LPCAT2: variants seen among roughly 807,000 people sequenced by gnomAD.
The protein encoded by LPCAT2 is lysophosphatidylcholine acyltransferase 2.
A neutral mutation model predicts 64.7 loss-of-function variants in LPCAT2; 58 were observed. The observed-to-expected ratio is 0.90, with a 90% CI of 0.73 to 1.12. The LOEUF (loss-of-function observed/expected upper bound fraction) is 1.12, where lower values mean the gene tolerates loss of function less well. LPCAT2 is among the 50% of genes most tolerant of loss of function. The pLI, the probability that LPCAT2 is intolerant of heterozygous loss-of-function variation, is 0.00. For synonymous variants in LPCAT2, 252 were observed against 245.3 expected, an observed-to-expected ratio of 1.03 and a Z score of -0.26; for missense variants, 579 against 669.8, an observed-to-expected ratio of 0.86 and a Z score of 1.50.
In LPCAT2 at chr16:55,566,552, G is replaced by A. The variant is rs1172125541; in HGVS notation, c.1216-8079G>A. On this transcript the variant is annotated intron_variant, in intron 11 of 13. Coordinates refer to ENST00000262134, the MANE Select transcript of LPCAT2 (RefSeq NM_017839.5). ...GAAGAGTGAAAACAATTTTATTGAG[G>A]CCTTGTAAAATATGGCAGGTGCTAG... 4 of 542,338 alleles carry A rather than the reference G, an allele frequency of 7.4e-6. No individual in the cohort carries two copies. The Admixed American group carries it at 1.0e-4, about 14-fold the overall frequency. The allele number at this position is 542,338 out of a possible 1,614,324, so 33.6% of individuals were successfully genotyped here.
intron 9 of LPCAT2, among the ~76,000 whole-genome samples, chr16:55,546,892 T>C (rs1963459957): frequency 6.6e-6 from 1 of 152,170 alleles, no homozygotes; most frequent in South Asian, 2.1e-4. Flanking sequence ...CTCACACCTG[T>C]AATCCCAGCA....
rs746304640 is a variant in LPCAT2, at chr16:55,529,896, C to T, written c.591C>T (p.Asn197=). ...GTGTAGATCCGGATTCCCGAAAAAA[C>T]ACAATAAATGAAATAATAAAGCGAA... ...VSRVDPDSRK[N]TINEIIKRTT... The change falls in exon 4 of 14, where the codon AAC becomes AAT. Residue 197 remains asparagine (N), a synonymous_variant. Coordinates refer to ENST00000262134, the MANE Select transcript of LPCAT2 (RefSeq NM_017839.5). 3.3e-6 allele frequency: 5 copies of T among 1,536,896 alleles called. No homozygotes were observed. In the Admixed American group the frequency reaches 9.2e-5, roughly 28 times the overall value.
At position 55,529,964 on chromosome 16, in the gene LPCAT2, G is replaced by T. The variant is rs931009223; in HGVS notation, c.642+17G>T. On this transcript the variant is annotated intron_variant, in intron 4 of 13. Coordinates refer to ENST00000262134, the MANE Select transcript of LPCAT2 (RefSeq NM_017839.5). ...TGGCCCCAGGTAAAACATGGTAGAT[G>T]TTAATTTAAATATAGTGGGAGTTTA... The T allele has an allele frequency of 1.3e-6, 2 of 1,563,828 alleles. No individual in the cohort carries two copies. Among genetic ancestry groups the T allele is most frequent in the Non-Finnish European group, 1.7e-6 (2 of 1,143,356 alleles).
intron 11 of LPCAT2, among the ~76,000 whole-genome samples, chr16:55,572,894 G>A (rs1963786672): frequency 6.6e-6 from 1 of 152,116 alleles, no homozygotes; most frequent in Non-Finnish European, 1.5e-5. Flanking sequence ...GCATTTGGTT[G>A]AATGTAAATG....
rs1403312025 is a variant in LPCAT2, at chr16:55,528,395, T to C, written c.330T>C (p.Ala110=). 10 of 1,613,528 alleles carry C rather than the reference T, an allele frequency of 6.2e-6. No homozygotes were observed. The highest frequency in any genetic ancestry group is 8.5e-6 in the Non-Finnish European group (10 of 1,179,750). The change falls in exon 3 of 14, where the codon GCT becomes GCC. Residue 110 remains alanine (A), a synonymous_variant. Transcript: ENST00000262134. ...TTCAAAGGAAAATTACTCAAACAGC[T>C]TTGAAATTTCTGGGTCGTGCTATGT... ...TGWRRKITQT[A]LKFLGRAMFF...
At chr16:55,518,834 A>G (rs1430377075) in intron 1 of LPCAT2, among the ~76,000 whole-genome samples, 3 of 152,266 alleles carry the variant, frequency 2.0e-5, no homozygotes, top group East Asian at 3.9e-4. Context: ...CTTAGAAGAG[A>G]ACATAAGTGT....
At chr16:55,521,515 A>G (rs985562871) in intron 1 of LPCAT2, among the ~76,000 whole-genome samples, 1 of 151,754 alleles carries the variant, frequency 6.6e-6, no homozygotes, top group Non-Finnish European at 1.5e-5. Flanking sequence ...TCTGAAAAAG[A>G]CATTATAAGA....
intron 1 of LPCAT2, among the ~76,000 whole-genome samples, chr16:55,510,415 C>A (rs1176873314): frequency 7.0e-6 from 1 of 143,594 alleles, no homozygotes; most frequent in African/African-American, 2.6e-5. Flanking sequence ...CAAGATAGAC[C>A]CTGCTAACCA....
intron 11 of LPCAT2, among the ~76,000 whole-genome samples, chr16:55,553,831 G>A (rs1489211540): frequency 1.3e-5 from 2 of 152,146 alleles, no homozygotes; most frequent in African/African-American, 4.8e-5. Flanking sequence ...TTCTTAATAA[G>A]GCTTCAAAGT....
intron 11 of LPCAT2, among the ~76,000 whole-genome samples, chr16:55,562,616 T>C (rs553686274): frequency 4.9e-4 from 75 of 152,052 alleles, no homozygotes; most frequent in Non-Finnish European, 8.1e-4. Flanking sequence ...ATTATACCAG[T>C]TTCCTGTAGT....
intron 12 of LPCAT2, 138 bp downstream of exon 12, chr16:55,574,867 T>C (rs1963810844): frequency 5.0e-6 from 3 of 605,310 alleles, no homozygotes; most frequent in Admixed American, 2.9e-5. Context: ...ATAATGTGAT[T>C]AAGTCAGTTG....
chr16:55,563,509 T>C (rs1269739878), intron 11 of LPCAT2, among the ~76,000 whole-genome samples: 1 of 151,960 alleles, frequency 6.6e-6, no homozygotes, highest in Non-Finnish European at 1.5e-5. Flanking sequence ...TTATACACCA[T>C]GATCAAGTGG....
chr16:55,540,483 A>C (rs927006764), intron 8 of LPCAT2: 3 of 152,228 alleles, frequency 2.0e-5, no homozygotes, highest in African/African-American at 7.2e-5. Context: ...ATGTGACATG[A>C]ATTAAGAGTC....
rs751479391 is a variant in LPCAT2, at chr16:55,582,953, CTAAGA to C, written c.1493_1497del (p.Lys498IlefsTer28). The C allele has an allele frequency of 1.2e-6, 2 of 1,613,230 alleles. No homozygotes were observed. Among genetic ancestry groups the C allele is most frequent in the African/African-American group, 2.7e-5 (2 of 74,844 alleles). On this transcript the variant is annotated frameshift_variant, in exon 14 of 14. Coordinates refer to ENST00000262134, the MANE Select transcript of LPCAT2 (RefSeq NM_017839.5). LOFTEE classifies it high-confidence loss of function. ...TTTGCCTTAAAGCATCCAGAATATG[CTAAGA>C]TATTTACAACATACCTAGACCTCCA...
At position 55,528,470 on chromosome 16, in the gene LPCAT2, T is replaced by C. The variant is rs1398925577; in HGVS notation, c.405T>C (p.Pro135=). 1 of 1,614,102 alleles carries C rather than the reference T, an allele frequency of 6.2e-7. No individual in the cohort carries two copies. Among genetic ancestry groups the C allele is most frequent in the African/African-American group, 1.3e-5 (1 of 75,064 alleles). ...IVAVKGKIAS[P]LEAPVFVAAP... ...CTGTAAAAGGAAAGATTGCAAGTCCTTTGGAAGCACCAGTTTTTGTTGCTG... is the reference window on the plus strand; with the variant it reads ...CTGTAAAAGGAAAGATTGCAAGTCCCTTGGAAGCACCAGTTTTTGTTGCTG... Residue 135 remains proline, a synonymous_variant, in exon 3 of 14, where the codon CCT becomes CCC. Coordinates refer to ENST00000262134, the MANE Select transcript of LPCAT2 (RefSeq NM_017839.5).
At chr16:55,575,544 C>G (rs1261078104) in intron 12 of LPCAT2, among the ~76,000 whole-genome samples, 1 of 152,122 alleles carries the variant, frequency 6.6e-6, no homozygotes, top group Non-Finnish European at 1.5e-5. Context: ...CACGTAGTTT[C>G]CTTGCTTTTG....
chr16:55,554,809 T>G (rs1266355756), intron 11 of LPCAT2, among the ~76,000 whole-genome samples: 1 of 152,168 alleles, frequency 6.6e-6, no homozygotes, highest in Non-Finnish European at 1.5e-5. Flanking sequence ...ACCTGAACAC[T>G]TAGGGGCCGT....
chr16:55,563,328 A>G (rs1213948923), intron 11 of LPCAT2, among the ~76,000 whole-genome samples: 1 of 151,946 alleles, frequency 6.6e-6, no homozygotes, highest in East Asian at 1.9e-4. Flanking sequence ...TTCTTTTCAA[A>G]CTCTTCCAAA....
At chr16:55,533,462 G>A (rs1459148792) in intron 6 of LPCAT2, among the ~76,000 whole-genome samples, 2 of 134,560 alleles carry the variant, frequency 1.5e-5, no homozygotes, top group African/African-American at 2.8e-5. Context: ...CAAGGCTGGA[G>A]TACAATGGCG....
Sources: gnomAD v4.1 joint callset for allele counts (sites outside exome capture counted in the v4.1 genomes callset) on GRCh38, gnomAD v4.1.1 for gene constraint, MANE v1.5 for transcripts, NCBI Gene and HGNC (gene_info 2026-07-23, HGNC 2026-07-21) for gene names.